DPYD: variants seen among roughly 807,000 people sequenced by gnomAD.
DPYD encodes dihydropyrimidine dehydrogenase [NADP(+)].
DPYD carries 109 observed loss-of-function variants against 116.2 expected under a neutral mutation model. The observed-to-expected ratio is 0.94, with a 90% CI of 0.80 to 1.10. DPYD has a LOEUF of 1.10. Ranked by LOEUF, DPYD falls within the 50% of genes least tolerant of loss-of-function variation. The pLI, the probability that DPYD is intolerant of heterozygous loss-of-function variation, is 0.00. For synonymous variants in DPYD, 440 were observed against 432.0 expected (o/e 1.02, Z -0.23); for missense variants, 1,302 against 1,254.5 (o/e 1.04, Z -0.57).
In DPYD at chr1:97,908,722, A is replaced by T. The variant is rs1295686972; in HGVS notation, c.39+12162T>A. Among the ~76,000 whole-genome samples, 4 of 152,176 alleles carry T rather than the reference A, an allele frequency of 2.6e-5. No individual in the cohort carries two copies. In the East Asian group the frequency reaches 7.8e-4, roughly 30 times the overall value. On this transcript the variant is annotated intron_variant, in intron 1 of 22. Transcript: ENST00000370192. ...TACCACTCCAATCTTTACCTCTGACAACATTCCACTTTCCAAGAATTATCT... is the reference window on the plus strand; with the variant it reads ...TACCACTCCAATCTTTACCTCTGACTACATTCCACTTTCCAAGAATTATCT...
At chr1:97,659,288 G>T (rs1389641439) in intron 8 of DPYD, among the ~76,000 whole-genome samples, 1 of 152,130 alleles carries the variant, frequency 6.6e-6, no homozygotes, top group Non-Finnish European at 1.5e-5. Context: ...CTGGTAGAAT[G>T]AATATATAAA....
chr1:97,451,302 C>A (rs1242417415), intron 13 of DPYD, among the ~76,000 whole-genome samples: 1 of 152,108 alleles, frequency 6.6e-6, no homozygotes, highest in East Asian at 1.9e-4. Flanking sequence ...ATAAGGCATA[C>A]CCTTGCCACA....
At chr1:97,535,567 C>T (rs751110241) in intron 12 of DPYD, among the ~76,000 whole-genome samples, 4 of 152,114 alleles carry the variant, frequency 2.6e-5, no homozygotes, top group African/African-American at 7.2e-5. Context: ...CAATCTATTG[C>T]TATATGGGTA....
At chr1:97,867,892 G>T (rs918283236) in intron 2 of DPYD, among the ~76,000 whole-genome samples, 5 of 151,678 alleles carry the variant, frequency 3.3e-5, no homozygotes, top group Non-Finnish European at 1.5e-5. Flanking sequence ...GCAAGAGAAA[G>T]AAATAAAAGG....
chr1:97,399,298 T>A (rs1196729083), intron 14 of DPYD, among the ~76,000 whole-genome samples: 1 of 152,192 alleles, frequency 6.6e-6, no homozygotes, highest in African/African-American at 2.4e-5. Context: ...TCTGTTCCAT[T>A]GGTCTATATC....
Position 97,413,539 on chromosome 1 carries a change from C to A in DPYD, c.1906-31078G>T, listed in dbSNP as rs551526536. Reference sequence around the variant, plus strand: ...AGTGCAGTGGCTTGATCTCGGCTCACTGCAACTTCTGCCTCCCTGGCTCAA... The same window carrying A: ...AGTGCAGTGGCTTGATCTCGGCTCAATGCAACTTCTGCCTCCCTGGCTCAA... On this transcript the variant is annotated intron_variant, in intron 14 of 22. Transcript: ENST00000370192. Among the ~76,000 whole-genome samples the A allele has an allele frequency of 6.6e-5, 10 of 152,278 alleles. No individual in the cohort carries two copies. The East Asian group carries it at 1.9e-3, about 29-fold the overall frequency.
chr1:97,292,735 C>CAG (rs1183286159), intron 18 of DPYD, among the ~76,000 whole-genome samples: 1 of 151,744 alleles, frequency 6.6e-6, no homozygotes, highest in African/African-American at 2.4e-5. Context: ...CACACACACA[C>CAG]ACACACACAC....
chr1:97,782,057 C>G (rs1666775337), intron 3 of DPYD, among the ~76,000 whole-genome samples: 1 of 152,142 alleles, frequency 6.6e-6, no homozygotes, highest in African/African-American at 2.4e-5. Context: ...AAGTGCAACA[C>G]TGGAAGGTAT....
intron 3 of DPYD, among the ~76,000 whole-genome samples, chr1:97,799,492 C>T (rs899913219): frequency 2.0e-5 from 3 of 151,846 alleles, no homozygotes; most frequent in Admixed American, 6.6e-5. Flanking sequence ...AAACTCCATG[C>T]TAGTTATCTG....
intron 18 of DPYD, among the ~76,000 whole-genome samples, chr1:97,277,450 G>A (rs1665014728): frequency 6.6e-6 from 1 of 151,660 alleles, no homozygotes; most frequent in Non-Finnish European, 1.5e-5. Flanking sequence ...AATCAGAAAT[G>A]AACTATTGAT....
intron 14 of DPYD, among the ~76,000 whole-genome samples, chr1:97,443,821 T>C (rs570935575): frequency 6.6e-6 from 1 of 152,318 alleles, no homozygotes; most frequent in African/African-American, 2.4e-5. Context: ...TTATAAAAAC[T>C]TCAAAGAAAT....
chr1:97,797,283 C>A (rs569304547), intron 3 of DPYD: 1 of 152,058 alleles, frequency 6.6e-6, no homozygotes, highest in Non-Finnish European at 1.5e-5. Flanking sequence ...GCTGACAGCT[C>A]GGCAACCCTG....
rs554617582 is a variant in DPYD, at chr1:97,108,186, T to C, written c.2623-9554A>G. 3.9e-5 allele frequency among the ~76,000 whole-genome samples: 6 copies of C among 152,206 alleles called. 1 individual carries two copies. Among genetic ancestry groups the C allele is most frequent in the African/African-American group, 1.4e-4 (6 of 41,560 alleles). Reference sequence around the variant, plus strand: ...GGAGGCATCTTGCTGGGGGAGGTAATGTGGCATATTGGAAACAGCACTCAC... The same window carrying C: ...GGAGGCATCTTGCTGGGGGAGGTAACGTGGCATATTGGAAACAGCACTCAC... On this transcript the variant is annotated intron_variant, in intron 20 of 22. Transcript: ENST00000370192.
At chr1:97,899,484 C>T (rs1454183240) in intron 1 of DPYD, among the ~76,000 whole-genome samples, 2 of 151,770 alleles carry the variant, frequency 1.3e-5, no homozygotes, top group African/African-American at 4.8e-5. Flanking sequence ...AAACTATAAC[C>T]ATGAATACAA....
intron 16 of DPYD, among the ~76,000 whole-genome samples, chr1:97,328,328 GAA>G (rs1157126397): frequency 1.3e-5 from 2 of 152,064 alleles, no homozygotes; most frequent in African/African-American, 4.8e-5. Context: ...AAATAATTAA[GAA>G]AGAGACAATA....
intron 14 of DPYD, among the ~76,000 whole-genome samples, chr1:97,383,785 A>T (rs566146447): frequency 6.6e-6 from 1 of 152,228 alleles, no homozygotes; most frequent in Admixed American, 6.5e-5. Context: ...ACACGTAAGT[A>T]ATTATTTCCT....
intron 14 of DPYD, among the ~76,000 whole-genome samples, chr1:97,431,527 T>C (rs533989294): frequency 3.3e-5 from 5 of 152,264 alleles, no homozygotes; most frequent in African/African-American, 9.6e-5. Context: ...TGGCATATTT[T>C]TTCTCTTTGA....
intron 3 of DPYD, among the ~76,000 whole-genome samples, chr1:97,804,455 T>C (rs1453872194): frequency 2.0e-5 from 3 of 151,846 alleles, no homozygotes; most frequent in East Asian, 1.9e-4. Flanking sequence ...TAAGATGCTA[T>C]ACAATTTCAT....
Position 97,370,259 on chromosome 1 carries a change from C to T in DPYD, c.2058+3302G>A, listed in dbSNP as rs149517030. ...AGCCATAAAAAATCGAGTTTATGTG[C>T]TTTTCAGGGACATGGATGAAGCTGG... is the stretch of plus-strand genomic sequence containing the variant. On this transcript the variant is annotated intron_variant, in intron 16 of 22. Coordinates refer to ENST00000370192, the MANE Select transcript of DPYD (RefSeq NM_000110.4). Among the ~76,000 whole-genome samples the T allele has an allele frequency of 6.6e-3, 1,000 of 152,246 alleles. 6 individuals carry two copies. The highest frequency in any genetic ancestry group is 0.012 in the Non-Finnish European group (795 of 68,020).
Sources: allele counts gnomAD v4.1 joint callset (sites outside exome capture counted in the v4.1 genomes callset), GRCh38; gene constraint gnomAD v4.1.1; transcripts MANE v1.5; gene names NCBI Gene and HGNC (gene_info 2026-07-23, HGNC 2026-07-21).